ROBO1: variants seen among roughly 807,000 people sequenced by gnomAD.
ROBO1 encodes roundabout guidance receptor 1, also known as roundabout homolog 1.
ROBO1 carries 149 observed loss-of-function variants against 195.9 expected under a neutral mutation model. That is an observed-to-expected ratio of 0.76 (90% confidence interval 0.67 to 0.87). The LOEUF (loss-of-function observed/expected upper bound fraction) is 0.87. Ranked by LOEUF, ROBO1 falls within the 40% of genes least tolerant of loss-of-function variation. ROBO1 has a pLI of 0.00. For synonymous variants in ROBO1, 816 were observed against 733.2 expected, an observed-to-expected ratio of 1.11 and a Z score of -1.82; for missense variants, 1,933 against 2,068.3, an observed-to-expected ratio of 0.93 and a Z score of 1.27.
chr3:78,598,963 A>AATC lies in ROBO1; in HGVS notation c.4942-39_4942-37dup, dbSNP rs779432140. ...TACGTTATTGTCACATTTGAAAATA[A>AATC]ATCTTAAGAGGATTGTGTTATATTT... On this transcript the variant is annotated intron_variant, in intron 30 of 30. Transcript: ENST00000464233. 1.3e-5 allele frequency: 19 copies of AATC among 1,414,960 alleles called. No homozygotes were observed. In the South Asian group the frequency reaches 2.5e-4, roughly 19 times the overall value. 87.7% of individuals were successfully genotyped at this position (1,414,960 alleles called of 1,614,324 possible). A position where few individuals can be genotyped will look rare whatever the true frequency, so the allele number is the denominator to read the frequency against.
At chr3:79,733,123 C>T (rs11706934) in intron 1 of ROBO1, among the ~76,000 whole-genome samples, 2 of 152,116 alleles carry the variant, frequency 1.3e-5, no homozygotes, top group Admixed American at 6.5e-5. Flanking sequence ...CATCTCCAAT[C>T]GATAAATCCG....
chr3:78,906,529 A>C (rs2037931496), intron 4 of ROBO1, among the ~76,000 whole-genome samples: 1 of 152,066 alleles, frequency 6.6e-6, no homozygotes, highest in African/African-American at 2.4e-5. Context: ...GGAGGTTTAG[A>C]CTCATTTTTC....
rs75858321 is a variant in ROBO1 at position 78,855,855 on chromosome 3, A to G, written c.499+82746T>C. 1.2e-3 allele frequency among the ~76,000 whole-genome samples: 187 copies of G among 151,772 alleles called. 2 individuals carry two copies. The East Asian group carries it at 0.034, about 27-fold the overall frequency. On this transcript the variant is annotated intron_variant, in intron 4 of 30. Coordinates refer to ENST00000464233, the MANE Select transcript of ROBO1 (RefSeq NM_002941.4). Reference sequence around the variant, plus strand: ...ATCACAAACACCTCACTCAGTCAACATAAAATTATGAAAACTTTGGAGAAT... The same window carrying G: ...ATCACAAACACCTCACTCAGTCAACGTAAAATTATGAAAACTTTGGAGAAT...
chr3:79,430,698 T>G (rs752524588), intron 2 of ROBO1, among the ~76,000 whole-genome samples: 2 of 152,136 alleles, frequency 1.3e-5, no homozygotes, highest in Non-Finnish European at 2.9e-5. Flanking sequence ...CCAATTTCCA[T>G]TTTTCCTCTT....
chr3:78,956,491 CTG>C (rs1408784087), intron 3 of ROBO1, among the ~76,000 whole-genome samples: 4 of 152,118 alleles, frequency 2.6e-5, no homozygotes, highest in Non-Finnish European at 5.9e-5. Context: ...GTTGAAATAT[CTG>C]TGTTTAATTA....
chr3:79,344,839 G>A (rs554509119), intron 2 of ROBO1, among the ~76,000 whole-genome samples: 8 of 152,106 alleles, frequency 5.3e-5, no homozygotes, highest in East Asian at 1.9e-4. Flanking sequence ...GGGCTGTTTC[G>A]CCCATGCTGG....
chr3:79,613,814 T>TA (rs1944739107), intron 1 of ROBO1, among the ~76,000 whole-genome samples: 1 of 151,952 alleles, frequency 6.6e-6, no homozygotes, highest in South Asian at 2.1e-4. Flanking sequence ...TGACTAAAAG[T>TA]AAAAGGTTCG....
chr3:78,950,417 A>G (rs1384358193), intron 3 of ROBO1, among the ~76,000 whole-genome samples: 2 of 150,084 alleles, frequency 1.3e-5, no homozygotes, highest in African/African-American at 4.9e-5. Context: ...AAGGAGAAAA[A>G]ACCAAACACC....
chr3:78,930,514 G>T (rs1182228662), intron 4 of ROBO1, among the ~76,000 whole-genome samples: 1 of 152,104 alleles, frequency 6.6e-6, no homozygotes, highest in African/African-American at 2.4e-5. Flanking sequence ...TACTTTCTCG[G>T]GATGGTGATG....
At chr3:79,721,726 C>T (rs527857788) in intron 1 of ROBO1, among the ~76,000 whole-genome samples, 16 of 152,198 alleles carry the variant, frequency 1.1e-4, no homozygotes, top group African/African-American at 3.6e-4. Context: ...TTAGTGGTGT[C>T]GAGTTAGAAC....
At chr3:79,544,762 G>A (rs1942201726) in intron 2 of ROBO1, among the ~76,000 whole-genome samples, 1 of 151,970 alleles carries the variant, frequency 6.6e-6, no homozygotes, top group Admixed American at 6.6e-5. Flanking sequence ...TTCTTTATCA[G>A]AAGACATGCA....
intron 5 of ROBO1, among the ~76,000 whole-genome samples, chr3:78,721,736 AGATTT>A (rs1410917632): frequency 2.6e-5 from 4 of 152,240 alleles, no homozygotes; most frequent in Non-Finnish European, 4.4e-5. Flanking sequence ...GCAACAGCTT[AGATTT>A]ATTTCTACAG....
intron 5 of ROBO1, among the ~76,000 whole-genome samples, chr3:78,744,828 C>G (rs1422035131): frequency 1.3e-5 from 2 of 152,174 alleles, no homozygotes; most frequent in Non-Finnish European, 2.9e-5. Context: ...GTTTAACTTA[C>G]TGTATGTTAC....
At chr3:78,732,033 AAGGTGT>A (rs923911062) in intron 5 of ROBO1, among the ~76,000 whole-genome samples, 3 of 152,134 alleles carry the variant, frequency 2.0e-5, no homozygotes, top group Non-Finnish European at 2.9e-5. Context: ...ACATTCTCAC[AAGGTGT>A]ATTTTCCTAT....
At chr3:78,914,115 C>T (rs546438468) in intron 4 of ROBO1, among the ~76,000 whole-genome samples, 6 of 152,134 alleles carry the variant, frequency 3.9e-5, no homozygotes, top group African/African-American at 1.2e-4. Flanking sequence ...ATGTATGGGC[C>T]GTTATTTCTT....
At chr3:78,917,407 ACAT>A (rs1345504158) in intron 4 of ROBO1, among the ~76,000 whole-genome samples, 2 of 152,132 alleles carry the variant, frequency 1.3e-5, no homozygotes, top group African/African-American at 2.4e-5. Flanking sequence ...ATTAACAGGG[ACAT>A]CATCTTTTAG....
At chr3:78,802,207 T>G (rs2084391595) in intron 4 of ROBO1, among the ~76,000 whole-genome samples, 1 of 152,192 alleles carries the variant, frequency 6.6e-6, no homozygotes, top group Admixed American at 6.5e-5. Context: ...CTTCATTAGA[T>G]AACTCCTCTA....
Position 78,679,473 on chromosome 3 carries a change from G to C in ROBO1, c.1342+6273C>G, listed in dbSNP as rs540391675. On this transcript the variant is annotated intron_variant, in intron 10 of 30. Coordinates refer to ENST00000464233, the MANE Select transcript of ROBO1 (RefSeq NM_002941.4). The stretch of plus-strand genomic sequence containing the variant: ...CTCCTTAAGCTGATAAGCAACTTCA[G>C]CAAAGTCTCAGGATACAAAATCAAT... 3.9e-5 allele frequency among the ~76,000 whole-genome samples: 6 copies of C among 152,292 alleles called. No individual in the cohort carries two copies. In the East Asian group the frequency reaches 1.2e-3, roughly 29 times the overall value.
At chr3:79,571,978 A>G (rs1374481249) in intron 2 of ROBO1, among the ~76,000 whole-genome samples, 1 of 152,154 alleles carries the variant, frequency 6.6e-6, no homozygotes, top group Non-Finnish European at 1.5e-5. Flanking sequence ...GAATTAAAAA[A>G]CACTATTTAA....
Sources: allele counts gnomAD v4.1 joint callset (sites outside exome capture counted in the v4.1 genomes callset), GRCh38; gene constraint gnomAD v4.1.1; transcripts MANE v1.5; gene names NCBI Gene and HGNC (gene_info 2026-07-23, HGNC 2026-07-21).